The following THSD7B variants were observed in gnomAD, a reference collection of about 807,000 sequenced individuals.
THSD7B encodes the protein thrombospondin type 1 domain containing 7B.
A neutral mutation model predicts 213.6 loss-of-function variants in THSD7B; 138 were observed. The ratio of observed to expected loss-of-function variants is 0.65; its 90% CI spans 0.56 to 0.74. The LOEUF is 0.74. THSD7B is among the 30% of genes least tolerant of loss of function. THSD7B has a pLI of 0.00. For synonymous variants in THSD7B, 742 were observed against 687.0 expected (o/e 1.08, Z -1.25); for missense variants, 1,931 against 1,991.5 (o/e 0.97, Z 0.58).
intron 2 of THSD7B, among the ~76,000 whole-genome samples, chr2:136,989,475 G>T (rs914588360): frequency 3.9e-5 from 6 of 151,984 alleles, no homozygotes; most frequent in African/African-American, 1.5e-4. Flanking sequence ...CTGCCCCTTT[G>T]CCTTTTGCCC....
intron 2 of THSD7B, among the ~76,000 whole-genome samples, chr2:136,980,029 C>G (rs1685548049): frequency 6.6e-6 from 1 of 151,994 alleles, no homozygotes; most frequent in African/African-American, 2.4e-5. Context: ...TTCCTTAGGG[C>G]TGCTGTGCTT....
chr2:137,011,168 AAT>A (rs1686224568), intron 2 of THSD7B, among the ~76,000 whole-genome samples: 1 of 152,180 alleles, frequency 6.6e-6, no homozygotes, highest in African/African-American at 2.4e-5. Context: ...TTTGCTTTGA[AAT>A]AGAGATTTTG....
chr2:137,265,426 A>G (rs1316505696), intron 10 of THSD7B, among the ~76,000 whole-genome samples: 8 of 152,192 alleles, frequency 5.3e-5, no homozygotes, highest in Admixed American at 4.6e-4. Context: ...GGGATCTAGA[A>G]CTAGAAATAC....
chr2:137,037,246 A>T (rs1187265420), intron 2 of THSD7B, among the ~76,000 whole-genome samples: 4 of 152,176 alleles, frequency 2.6e-5, no homozygotes, highest in African/African-American at 9.6e-5. Context: ...AATTGAATTA[A>T]GTTTACATAT....
chr2:137,518,930 G>A (rs1457159434), intron 15 of THSD7B, among the ~76,000 whole-genome samples: 1 of 152,196 alleles, frequency 6.6e-6, no homozygotes, highest in Non-Finnish European at 1.5e-5. Context: ...ATCATGGAAA[G>A]GGCAGAGGTT....
At chr2:137,387,521 C>T (rs1685923745) in intron 12 of THSD7B, among the ~76,000 whole-genome samples, 3 of 151,910 alleles carry the variant, frequency 2.0e-5, no homozygotes, top group African/African-American at 7.3e-5. Context: ...TTAAATTGTC[C>T]CTCCCCTTAA....
chr2:137,362,470 CGT>C (rs1558770373), intron 12 of THSD7B, among the ~76,000 whole-genome samples: 4,204 of 151,658 alleles, frequency 0.028, 203 homozygotes, highest in African/African-American at 0.096. Context: ...CCCATCAGTG[CGT>C]TGTATTCAGG....
chr2:137,549,993 T>C (rs1573701153), intron 15 of THSD7B, among the ~76,000 whole-genome samples: 1 of 151,836 alleles, frequency 6.6e-6, no homozygotes, highest in African/African-American at 2.4e-5. Context: ...ATGGCTGGAG[T>C]CCCTGGCACG....
chr2:137,348,822 A>G lies in THSD7B; in HGVS notation c.2501-56791A>G, dbSNP rs556242051. Among the ~76,000 whole-genome samples, 55 of 150,052 alleles carry G rather than the reference A, an allele frequency of 3.7e-4. No homozygotes were observed. In the South Asian group the frequency reaches 0.011, roughly 29 times the overall value. On this transcript the variant is annotated intron_variant, in intron 12 of 27. Transcript: ENST00000409968. Reference sequence around the variant, plus strand: ...CAAGACACAGGAATCTAAATGCTACATTTTTCATTCCTATTATCTTGAAAG... The same window carrying G: ...CAAGACACAGGAATCTAAATGCTACGTTTTTCATTCCTATTATCTTGAAAG...
chr2:137,604,052 G>A (rs892295082), intron 17 of THSD7B, among the ~76,000 whole-genome samples: 9 of 151,848 alleles, frequency 5.9e-5, no homozygotes, highest in South Asian at 2.1e-4. Flanking sequence ...TGGAGATTGC[G>A]CCACTGTATT....
At position 137,452,352 on chromosome 2, in the gene THSD7B, T is replaced by A. The variant is rs562323129; in HGVS notation, c.3138+1329T>A. Among the ~76,000 whole-genome samples, 5 of 152,134 alleles carry A rather than the reference T, an allele frequency of 3.3e-5. No individual in the cohort carries two copies. In the East Asian group the frequency reaches 9.7e-4, roughly 29 times the overall value. On this transcript the variant is annotated intron_variant, in intron 15 of 27. Transcript: ENST00000409968. The stretch of plus-strand genomic sequence containing the variant: ...TGACAGGAGAATAAAATATGATTAA[T>A]GAAAACTGGAGGGAAATAATTAAAG...
At chr2:137,068,008 T>G (rs1442562228) in intron 3 of THSD7B, among the ~76,000 whole-genome samples, 1 of 152,044 alleles carries the variant, frequency 6.6e-6, no homozygotes, top group African/African-American at 2.4e-5. Context: ...AATCATAGTT[T>G]AAGTTTTTCT....
chr2:137,334,648 G>A (rs1054959076), intron 12 of THSD7B, among the ~76,000 whole-genome samples: 4 of 152,186 alleles, frequency 2.6e-5, no homozygotes, highest in Admixed American at 1.3e-4. Flanking sequence ...TGGTGAGAAT[G>A]TGTGCTTCCG....
At chr2:137,359,650 G>C (rs1439634995) in intron 12 of THSD7B, among the ~76,000 whole-genome samples, 1 of 152,114 alleles carries the variant, frequency 6.6e-6, no homozygotes, top group Admixed American at 6.6e-5. Flanking sequence ...CAGAATGATA[G>C]GCTACTGTAA....
chr2:137,031,702 CAG>C (rs1226600939), intron 2 of THSD7B, among the ~76,000 whole-genome samples: 3 of 151,672 alleles, frequency 2.0e-5, no homozygotes, highest in African/African-American at 7.3e-5. Context: ...AAAATAATAA[CAG>C]TAACAAAATA....
intron 2 of THSD7B, among the ~76,000 whole-genome samples, chr2:137,017,381 T>G (rs533954137): frequency 2.0e-5 from 3 of 151,852 alleles, no homozygotes; most frequent in African/African-American, 7.2e-5. Flanking sequence ...AAAAGAGACA[T>G]GTACCATTTG....
chr2:136,891,803 A>C (rs1454410902), intron 2 of THSD7B, among the ~76,000 whole-genome samples: 2 of 152,224 alleles, frequency 1.3e-5, no homozygotes, highest in Non-Finnish European at 2.9e-5. Flanking sequence ...ATTGCTGTGT[A>C]ATAGCTCACC....
intron 15 of THSD7B, among the ~76,000 whole-genome samples, chr2:137,452,606 A>G (rs533363455): frequency 6.6e-6 from 1 of 152,166 alleles, no homozygotes; most frequent in Non-Finnish European, 1.5e-5. Flanking sequence ...CTAAGCCTTT[A>G]TAACACCAGT....
At chr2:137,647,421 TTC>T (rs60400076) in intron 21 of THSD7B, among the ~76,000 whole-genome samples, 70 of 84,500 alleles carry the variant, frequency 8.3e-4, no homozygotes, top group Middle Eastern at 6.8e-3. Flanking sequence ...CTCTGTCTCT[TTC>T]TCTCTCTCTC....
Sources: allele counts gnomAD v4.1 joint callset (sites outside exome capture counted in the v4.1 genomes callset), GRCh38; gene constraint gnomAD v4.1.1; transcripts MANE v1.5; gene names NCBI Gene and HGNC (gene_info 2026-07-23, HGNC 2026-07-21).